Variants in RAB40C observed in about 807,000 individuals in gnomAD.
The protein encoded by RAB40C is ras-related protein Rab-40C.
In RAB40C, 8 loss-of-function variants were observed where a neutral mutation model predicts 28.1. The observed-to-expected ratio is 0.28, with a 90% CI of 0.17 to 0.51. The LOEUF is 0.51. RAB40C is among the 20% of genes least tolerant of loss of function. The pLI is 0.97. For missense variants in RAB40C, 288 were observed against 405.9 expected (o/e 0.71, Z 2.50); for synonymous variants, 201 against 171.7 (o/e 1.17, Z -1.34).
intron 1 of RAB40C, among the ~76,000 whole-genome samples, chr16:606,725 C>T (rs896121051): frequency 3.3e-5 from 5 of 152,364 alleles, no homozygotes; most frequent in South Asian, 4.1e-4. Flanking sequence ...CACGGAGGGC[C>T]CTTGCCCATC....
intron 2 of RAB40C, 24 bp from the exon 3 acceptor site, chr16:618,176 C>G: frequency 6.2e-6 from 10 of 1,609,204 alleles, no homozygotes; most frequent in Non-Finnish European, 8.5e-6. Flanking sequence ...CAGTCCCGGC[C>G]CCTCCCCTCC....
At chr16:625,241 AGGTGAGGGCAGG>A in intron 3 of RAB40C, 179 bp from the exon 4 acceptor site, 1 of 1,443,688 alleles carries the variant, frequency 6.9e-7, no homozygotes, top group Non-Finnish European at 9.2e-7. Context: ...CAGTCCTGCC[AGGTGAGGGCAGG>A]GGTGAGGGGC....
At chr16:596,204 T>C in intron 1 of RAB40C, 1 of 433,690 alleles carries the variant, frequency 2.3e-6, no homozygotes, top group Non-Finnish European at 4.7e-6. Flanking sequence ...TGAGCTAAAT[T>C]GAACAGTGTT....
chr16:611,117 G>A (rs560634876), intron 1 of RAB40C, among the ~76,000 whole-genome samples: 23 of 152,326 alleles, frequency 1.5e-4, no homozygotes, highest in African/African-American at 4.1e-4. Context: ...GACGTCCAGC[G>A]GGAGGAGCAT....
intron 3 of RAB40C, among the ~76,000 whole-genome samples, chr16:622,608 C>T (rs947524397): frequency 4.6e-5 from 7 of 152,178 alleles, no homozygotes; most frequent in African/African-American, 1.4e-4. Flanking sequence ...CCCGGGTTCA[C>T]GCCATTCTCC....
intron 1 of RAB40C, among the ~76,000 whole-genome samples, chr16:593,653 C>T (rs776193746): frequency 1.6e-4 from 24 of 152,328 alleles, no homozygotes; most frequent in South Asian, 4.1e-4. Context: ...AATGAGTCAT[C>T]GAAGTGACCT....
chr16:622,400 G>A (rs889070543), intron 3 of RAB40C, among the ~76,000 whole-genome samples: 3 of 151,554 alleles, frequency 2.0e-5, no homozygotes, highest in Non-Finnish European at 4.4e-5. Flanking sequence ...GAGCGGCACC[G>A]TGGACACGTC....
chr16:593,707 G>A (rs759615768), intron 1 of RAB40C, among the ~76,000 whole-genome samples: 2 of 152,220 alleles, frequency 1.3e-5, no homozygotes, highest in Non-Finnish European at 2.9e-5. Context: ...GTGACCACAC[G>A]CCCAGCACCT....
chr16:603,505 T>C (rs893794093), intron 1 of RAB40C, among the ~76,000 whole-genome samples: 14 of 152,172 alleles, frequency 9.2e-5, no homozygotes, highest in African/African-American at 3.1e-4. Flanking sequence ...CCTTCACATC[T>C]GGCTCTGATA....
Position 625,485 on chromosome 16 carries a change from C to A in RAB40C, c.318C>A (p.Asp106Glu). ...ITNRWSFDGIDRWIKEIDEHA... is the reference protein window; with the variant it reads ...ITNRWSFDGIERWIKEIDEHA... Reference sequence around the variant, plus strand: ...ACCGCTGGTCCTTTGACGGCATCGACCGCTGGATCAAGGAGATCGATGAGG... The same window carrying A: ...ACCGCTGGTCCTTTGACGGCATCGAACGCTGGATCAAGGAGATCGATGAGG... Residue 106 changes from aspartate to glutamate, a missense_variant, in exon 4 of 6, where the codon GAC becomes GAA. Transcript: ENST00000248139. The A allele has an allele frequency of 6.2e-7, 1 of 1,613,564 alleles. No homozygotes were observed. The highest frequency in any genetic ancestry group is 8.5e-7 in the Non-Finnish European group (1 of 1,179,974).
chr16:601,815 T>TAAAAAAAAAAAAAAAA (rs60094426), intron 1 of RAB40C, among the ~76,000 whole-genome samples: 4 of 27,200 alleles, frequency 1.5e-4, no homozygotes, highest in East Asian at 1.1e-3. Context: ...CAAAAAAAAG[T>TAAAAAAAAAAAAAAAA]AAAAAAAAAA....
At chr16:621,412 C>A (rs1242333044) in intron 3 of RAB40C, among the ~76,000 whole-genome samples, 1 of 152,016 alleles carries the variant, frequency 6.6e-6, no homozygotes, top group Admixed American at 6.5e-5. Flanking sequence ...TGCCTCCCTC[C>A]GTTAGAGAGT....
intron 1 of RAB40C, among the ~76,000 whole-genome samples, chr16:593,553 A>G (rs1192913023): frequency 6.6e-6 from 1 of 152,190 alleles, no homozygotes; most frequent in Non-Finnish European, 1.5e-5. Context: ...TTCAGCTCAC[A>G]CCGGATCGCT....
In RAB40C at chr16:590,202, C is replaced by A; in HGVS notation, c.-90C>A. 9.9e-7 allele frequency: 1 copy of A among 1,010,142 alleles called. No homozygotes were observed. Among genetic ancestry groups the A allele is most frequent in the Non-Finnish European group, 1.2e-6 (1 of 818,130 alleles). 62.6% of individuals were successfully genotyped at this position (1,010,142 alleles called of 1,614,324 possible). A position where few individuals can be genotyped will look rare whatever the true frequency, so the allele number is the denominator to read the frequency against. On this transcript the variant is annotated 5_prime_UTR_variant, in exon 1 of 6. Transcript: ENST00000248139. Reference sequence around the variant, plus strand: ...GCCGCCGTGGGGCGGACGCAACGGGCGCAGGTGCGGGGCGCGGGCTCTCTC... The same window carrying A: ...GCCGCCGTGGGGCGGACGCAACGGGAGCAGGTGCGGGGCGCGGGCTCTCTC...
intron 4 of RAB40C, 183 bp from the exon 5 acceptor site, chr16:625,716 G>T (rs374509789): frequency 3.6e-6 from 3 of 830,142 alleles, no homozygotes; most frequent in Non-Finnish European, 5.6e-6. Context: ...GAGCTACGGG[G>T]CCACCCGGAA....
intron 1 of RAB40C, among the ~76,000 whole-genome samples, chr16:603,713 C>G (rs1422884762): frequency 6.6e-6 from 1 of 152,128 alleles, no homozygotes; most frequent in Non-Finnish European, 1.5e-5. Flanking sequence ...AGCCAGTACC[C>G]TCATCCAAAT....
At chr16:602,055 G>A (rs867365728) in intron 1 of RAB40C, among the ~76,000 whole-genome samples, 6 of 152,226 alleles carry the variant, frequency 3.9e-5, no homozygotes, top group Middle Eastern at 3.4e-3. Flanking sequence ...CAACCCAGGA[G>A]GCAGAGGTTG....
intron 3 of RAB40C, among the ~76,000 whole-genome samples, chr16:622,552 G>A (rs2036742024): frequency 6.6e-6 from 1 of 152,244 alleles, no homozygotes; most frequent in Non-Finnish European, 1.5e-5. Flanking sequence ...TCTGTCGCCA[G>A]GCTGGAGTGC....
rs1206627003 is a variant in RAB40C, at chr16:596,395, C to T, written c.142+5962C>T. 2.0e-5 allele frequency: 9 copies of T among 454,026 alleles called. No homozygotes were observed. The East Asian group carries it at 2.8e-4, about 14-fold the overall frequency. The allele number at this position is 454,026 out of a possible 1,614,324, so 28.1% of individuals were successfully genotyped here. On this transcript the variant is annotated intron_variant, in intron 1 of 5. Transcript: ENST00000248139. ...CTGGTCTGGAGCCCCTGCGAGCTGG[C>T]GTAGAGCAGGAAGGGGTTGCATCAC...
Sources: allele counts gnomAD v4.1 joint callset (sites outside exome capture counted in the v4.1 genomes callset), GRCh38; gene constraint gnomAD v4.1.1; transcripts MANE v1.5; gene names NCBI Gene and HGNC (gene_info 2026-07-23, HGNC 2026-07-21).